AUTS2: variants seen among roughly 807,000 people sequenced by gnomAD.
The protein encoded by AUTS2 is autism susceptibility gene 2 protein.
In AUTS2, 17 loss-of-function variants were observed where a neutral mutation model predicts 112.4. The ratio of observed to expected loss-of-function variants is 0.15; its 90% CI spans 0.10 to 0.23. The LOEUF (loss-of-function observed/expected upper bound fraction) is 0.23, where lower values mean the gene tolerates loss of function less well. Ranked by LOEUF, AUTS2 falls within the 10% of genes least tolerant of loss-of-function variation. AUTS2 has a pLI of 1.00. For synonymous variants in AUTS2, 751 were observed against 702.7 expected (o/e 1.07, Z -1.09); for missense variants, 1,510 against 1,701.6 (o/e 0.89, Z 1.98).
intron 4 of AUTS2, among the ~76,000 whole-genome samples, chr7:70,431,513 G>A (rs914411773): frequency 6.6e-6 from 1 of 152,044 alleles, no homozygotes; most frequent in Non-Finnish European, 1.5e-5. Context: ...AGCCTCCTGA[G>A]TATCTGGGAT....
chr7:69,984,501 G>T (rs1460143271), intron 2 of AUTS2, among the ~76,000 whole-genome samples: 1 of 151,722 alleles, frequency 6.6e-6, no homozygotes, highest in Non-Finnish European at 1.5e-5. Flanking sequence ...AAATTTTCCT[G>T]GTGGAGGAGT....
At chr7:69,855,704 G>A (rs1008907295) in intron 1 of AUTS2, among the ~76,000 whole-genome samples, 10 of 152,166 alleles carry the variant, frequency 6.6e-5, no homozygotes, top group African/African-American at 1.7e-4. Context: ...GTTGTAGTCC[G>A]TATAACTGCC....
chr7:69,799,147 C>G (rs1789974212), intron 1 of AUTS2, among the ~76,000 whole-genome samples: 2 of 152,034 alleles, frequency 1.3e-5, no homozygotes, highest in Admixed American at 6.5e-5. Context: ...TTTTGAGGAC[C>G]ACTGATCCAG....
intron 6 of AUTS2, among the ~76,000 whole-genome samples, chr7:70,722,140 G>A (rs1416853007): frequency 1.3e-5 from 2 of 151,394 alleles, no homozygotes; most frequent in Admixed American, 6.6e-5. Flanking sequence ...CCCCAGTCCC[G>A]GCCCCAACCC....
chr7:70,140,162 T>C (rs2129575324), intron 4 of AUTS2, among the ~76,000 whole-genome samples: 1 of 152,346 alleles, frequency 6.6e-6, no homozygotes, highest in East Asian at 1.9e-4. Context: ...TAGCAGTGGC[T>C]AGATAGGATC....
intron 1 of AUTS2, among the ~76,000 whole-genome samples, chr7:69,897,115 A>G (rs960848365): frequency 2.0e-5 from 3 of 152,204 alleles, no homozygotes; most frequent in Non-Finnish European, 4.4e-5. Flanking sequence ...CACACAAAAC[A>G]TAATTGTTGA....
At chr7:70,715,194 C>G (rs901080776) in intron 6 of AUTS2, among the ~76,000 whole-genome samples, 2 of 152,192 alleles carry the variant, frequency 1.3e-5, no homozygotes, top group Non-Finnish European at 1.5e-5. Context: ...AGTTGGTGCT[C>G]TACCAGGAGT....
intron 1 of AUTS2, among the ~76,000 whole-genome samples, chr7:69,875,856 A>G (rs1212094080): frequency 6.6e-6 from 1 of 152,076 alleles, no homozygotes; most frequent in Non-Finnish European, 1.5e-5. Flanking sequence ...GAATGTTGTT[A>G]TTATTCTTAA....
intron 5 of AUTS2, among the ~76,000 whole-genome samples, chr7:70,530,486 C>A (rs996801996): frequency 6.6e-6 from 1 of 152,068 alleles, no homozygotes; most frequent in Non-Finnish European, 1.5e-5. Flanking sequence ...AGCTTCTGTG[C>A]GGCACAGATA....
At chr7:69,980,898 C>A (rs971370507) in intron 2 of AUTS2, among the ~76,000 whole-genome samples, 1 of 152,130 alleles carries the variant, frequency 6.6e-6, no homozygotes, top group South Asian at 2.1e-4. Context: ...TTCTTTCTTG[C>A]ATAAATCACA....
intron 6 of AUTS2, among the ~76,000 whole-genome samples, chr7:70,740,668 A>T (rs1274995144): frequency 1.3e-5 from 2 of 152,078 alleles, no homozygotes; most frequent in African/African-American, 4.8e-5. Flanking sequence ...TTCAATATTT[A>T]TCGTACTTAT....
intron 1 of AUTS2, among the ~76,000 whole-genome samples, chr7:69,856,802 G>C (rs1232034191): frequency 4.6e-5 from 7 of 152,254 alleles, no homozygotes; most frequent in African/African-American, 1.4e-4. Flanking sequence ...GGACACAGTT[G>C]GATCAGCGGA....
chr7:70,214,592 T>C (rs1324486842), intron 4 of AUTS2, among the ~76,000 whole-genome samples: 1 of 152,272 alleles, frequency 6.6e-6, no homozygotes, highest in East Asian at 1.9e-4. Context: ...TTACTGAATG[T>C]GCACCCTGTT....
intron 6 of AUTS2, among the ~76,000 whole-genome samples, chr7:70,726,789 G>A (rs1787060053): frequency 6.6e-6 from 1 of 152,310 alleles, no homozygotes; most frequent in Non-Finnish European, 1.5e-5. Context: ...TGGAACCCTA[G>A]TGACCTGTAT....
chr7:70,301,065 A>G (rs1369784950), intron 4 of AUTS2, among the ~76,000 whole-genome samples: 3 of 152,216 alleles, frequency 2.0e-5, no homozygotes, highest in African/African-American at 7.2e-5. Context: ...GGATAATTCT[A>G]TATTTCTTTC....
intron 2 of AUTS2, among the ~76,000 whole-genome samples, chr7:69,971,734 C>T (rs1797858089): frequency 6.6e-6 from 1 of 152,086 alleles, no homozygotes; most frequent in Non-Finnish European, 1.5e-5. Context: ...TTGGAATTTT[C>T]TGTTTTTACT....
Position 70,574,606 on chromosome 7 carries a change from A to G in AUTS2, c.691-123963A>G, listed in dbSNP as rs183310705. Among the ~76,000 whole-genome samples, 288 of 152,154 alleles carry G rather than the reference A, an allele frequency of 1.9e-3. 2 individuals carry two copies. The highest frequency in any genetic ancestry group is 6.2e-3 in the African/African-American group (257 of 41,508). The stretch of plus-strand genomic sequence containing the variant: ...AAATCAGTCAATCAGGAAAGAGTGC[A>G]TGCATGCTGGGTTTTAACTTTAACA... On this transcript the variant is annotated intron_variant, in intron 5 of 18. Coordinates refer to ENST00000342771, the MANE Select transcript of AUTS2 (RefSeq NM_015570.4).
At position 70,793,387 on chromosome 7, in the gene AUTS2, T is replaced by C. The variant is rs978290345; in HGVS notation, c.*2391T>C. On this transcript the variant is annotated 3_prime_UTR_variant, in exon 19 of 19. Coordinates refer to ENST00000342771, the MANE Select transcript of AUTS2 (RefSeq NM_015570.4). ...TTTCCTGTCTTAGCTTTTTCTCTCTTTTAATTACGTGGTGTAGTCCTCATC... is the reference window on the plus strand; with the variant it reads ...TTTCCTGTCTTAGCTTTTTCTCTCTCTTAATTACGTGGTGTAGTCCTCATC... The C allele has an allele frequency of 2.6e-5, 4 of 152,278 alleles. No individual in the cohort carries two copies. Among genetic ancestry groups the C allele is most frequent in the Non-Finnish European group, 4.4e-5 (3 of 68,028 alleles). 9.4% of individuals were successfully genotyped at this position (152,278 alleles called of 1,614,324 possible).
At chr7:70,450,322 A>G (rs1796479404) in intron 5 of AUTS2, among the ~76,000 whole-genome samples, 1 of 152,178 alleles carries the variant, frequency 6.6e-6, no homozygotes, top group Non-Finnish European at 1.5e-5. Flanking sequence ...GAGGAATGGC[A>G]TGATGTCTGA....
Sources: allele counts gnomAD v4.1 joint callset (sites outside exome capture counted in the v4.1 genomes callset), GRCh38; gene constraint gnomAD v4.1.1; transcripts MANE v1.5; gene names NCBI Gene and HGNC (gene_info 2026-07-23, HGNC 2026-07-21).